The following MTHFD1L variants were observed in gnomAD, a reference collection of about 807,000 sequenced individuals.
MTHFD1L encodes methylenetetrahydrofolate dehydrogenase (NADP+ dependent) 1 like.
In MTHFD1L, 81 loss-of-function variants were observed where a neutral mutation model predicts 119.5. The observed-to-expected ratio is 0.68, with a 90% CI of 0.57 to 0.82. The LOEUF is 0.82. Ranked by LOEUF, MTHFD1L falls within the 40% of genes least tolerant of loss-of-function variation. The pLI is 0.00. For missense variants in MTHFD1L, 1,125 were observed against 1,253.4 expected, an observed-to-expected ratio of 0.90 and a Z score of 1.55; for synonymous variants, 430 against 475.2, an observed-to-expected ratio of 0.90 and a Z score of 1.24.
rs1452314211 is a variant in MTHFD1L at position 150,946,931 on chromosome 6, C to T, written c.1623+1390C>T. ...TCTACTAAAAATACAAAAAATTAGCCGGGCGTGGTGGCAGGCGCCTGTAGT... is the reference window on the plus strand; with the variant it reads ...TCTACTAAAAATACAAAAAATTAGCTGGGCGTGGTGGCAGGCGCCTGTAGT... On this transcript the variant is annotated intron_variant, in intron 15 of 27. Coordinates refer to ENST00000367321, the MANE Select transcript of MTHFD1L (RefSeq NM_015440.5). Among the ~76,000 whole-genome samples the T allele has an allele frequency of 3.3e-5, 5 of 151,274 alleles. No individual in the cohort carries two copies. The South Asian group carries it at 6.3e-4, about 19-fold the overall frequency.
intron 26 of MTHFD1L, among the ~76,000 whole-genome samples, chr6:151,043,173 T>TATG (rs926059926): frequency 6.6e-6 from 1 of 152,052 alleles, no homozygotes. Flanking sequence ...TTTTTCCCTG[T>TATG]TCATTTGTTC....
At position 150,926,319 on chromosome 6, in the gene MTHFD1L, T is replaced by A. The variant is rs368194641; in HGVS notation, c.1256+24T>A. ...GGGTAAGACACCATCTAACATCTAC[T>A]TGATCAAGCAGACATATTTACAAAA... is the stretch of plus-strand genomic sequence containing the variant. On this transcript the variant is annotated intron_variant, in intron 11 of 27. Coordinates refer to ENST00000367321, the MANE Select transcript of MTHFD1L (RefSeq NM_015440.5). The surrounding 1 kb of genome is among the most constrained non-coding windows in gnomAD (Gnocchi z 4.3). 5 of 1,592,460 alleles carry A rather than the reference T, an allele frequency of 3.1e-6. No homozygotes were observed. The African/African-American group carries it at 6.7e-5, about 21-fold the overall frequency.
At chr6:150,954,672 A>G (rs1396444135) in intron 16 of MTHFD1L, among the ~76,000 whole-genome samples, 3 of 148,468 alleles carry the variant, frequency 2.0e-5, no homozygotes, top group African/African-American at 7.4e-5. Context: ...CTGCATGACA[A>G]AAAAAAAAAG....
At chr6:151,021,817 A>C (rs1783986732) in intron 24 of MTHFD1L, among the ~76,000 whole-genome samples, 1 of 152,232 alleles carries the variant, frequency 6.6e-6, no homozygotes, top group African/African-American at 2.4e-5. Flanking sequence ...GATATCATAA[A>C]ACATCAGTCA....
intron 16 of MTHFD1L, 147 bp downstream of exon 16, chr6:150,949,280 A>G: frequency 1.5e-6 from 1 of 656,188 alleles, no homozygotes; most frequent in East Asian, 2.8e-5. Context: ...TATTTCAGTT[A>G]CTATTATCGT....
At chr6:151,021,652 T>C (rs1783958044) in intron 24 of MTHFD1L, among the ~76,000 whole-genome samples, 1 of 150,534 alleles carries the variant, frequency 6.6e-6, no homozygotes. Flanking sequence ...TCAAGAATTC[T>C]CCTGTAACTC....
chr6:150,915,664 A>C (rs1583531974), intron 8 of MTHFD1L, among the ~76,000 whole-genome samples: 1 of 152,092 alleles, frequency 6.6e-6, no homozygotes, highest in South Asian at 2.1e-4. Flanking sequence ...GCAGTGGCAC[A>C]ATCTTGGCTC....
intron 13 of MTHFD1L, among the ~76,000 whole-genome samples, chr6:150,943,172 T>G (rs1000279549): frequency 6.6e-6 from 1 of 152,048 alleles, no homozygotes; most frequent in Admixed American, 6.6e-5. Context: ...TCCCAGCTAC[T>G]TGGGAGGCAG....
intron 19 of MTHFD1L, among the ~76,000 whole-genome samples, chr6:150,969,230 C>T (rs1420433596): frequency 6.6e-6 from 1 of 152,210 alleles, no homozygotes; most frequent in African/African-American, 2.4e-5. Context: ...GATCCGTCTG[C>T]CTCTGCCTCT....
intron 26 of MTHFD1L, among the ~76,000 whole-genome samples, chr6:151,075,437 C>T (rs181031179): frequency 3.9e-4 from 59 of 151,972 alleles, no homozygotes; most frequent in Admixed American, 2.7e-3. Context: ...GTTTCACGAA[C>T]AGGACATAGC....
At chr6:151,094,824 G>A (rs1207727412) in intron 27 of MTHFD1L, among the ~76,000 whole-genome samples, 4 of 152,118 alleles carry the variant, frequency 2.6e-5, no homozygotes, top group African/African-American at 4.8e-5. Context: ...GATTACAGGC[G>A]GGAGCCACCA....
At chr6:150,897,198 A>C (rs1784376491) in intron 7 of MTHFD1L, among the ~76,000 whole-genome samples, 2 of 152,174 alleles carry the variant, frequency 1.3e-5, no homozygotes, top group South Asian at 4.1e-4. Flanking sequence ...TGAGAAATTA[A>C]GATTGAGAAG....
chr6:150,905,553 G>A, intron 7 of MTHFD1L, 97 bp from the exon 8 acceptor site: 1 of 843,560 alleles, frequency 1.2e-6, no homozygotes, highest in Non-Finnish European at 2.0e-6. Context: ...ACAAAGCTGT[G>A]GATCTGGGAT....
intron 24 of MTHFD1L, chr6:151,022,490 A>G (rs897654539): frequency 6.4e-6 from 1 of 156,170 alleles, no homozygotes; most frequent in African/African-American, 2.4e-5. Flanking sequence ...CATTGTACAT[A>G]CAGGGTTTAA....
intron 15 of MTHFD1L, 68 bp from the exon 16 acceptor site, chr6:150,948,963 T>A: frequency 7.8e-7 from 1 of 1,279,156 alleles, no homozygotes; most frequent in Non-Finnish European, 1.1e-6. Context: ...ATTAGAGGGA[T>A]AATTTTGGTG....
intron 24 of MTHFD1L, among the ~76,000 whole-genome samples, chr6:151,023,809 A>G (rs1452482110): frequency 6.6e-6 from 1 of 152,194 alleles, no homozygotes; most frequent in Non-Finnish European, 1.5e-5. Flanking sequence ...ATGATGAACT[A>G]TCAAAGTCAC....
chr6:150,866,470 G>C (rs1024604234), intron 1 of MTHFD1L: 6 of 1,319,766 alleles, frequency 4.5e-6, no homozygotes, highest in African/African-American at 1.5e-5. Context: ...TCGGCGCGCC[G>C]GCTGGCCCGG....
chr6:150,960,128 A>G, intron 17 of MTHFD1L, 147 bp from the exon 18 acceptor site: 1 of 1,130,852 alleles, frequency 8.8e-7, no homozygotes, highest in Non-Finnish European at 1.2e-6. Context: ...CCAGACACGC[A>G]GAAAACTGAT....
chr6:150,911,959 A>C (rs1009279560), intron 8 of MTHFD1L, among the ~76,000 whole-genome samples: 1 of 152,148 alleles, frequency 6.6e-6, no homozygotes, highest in African/African-American at 2.4e-5. Flanking sequence ...GAATTATGGG[A>C]GTACAATTCA....
Sources: allele counts gnomAD v4.1 joint callset (sites outside exome capture counted in the v4.1 genomes callset), GRCh38; gene constraint gnomAD v4.1.1; non-coding constraint Gnocchi (gnomAD v3.1); transcripts MANE v1.5; gene names NCBI Gene and HGNC (gene_info 2026-07-23, HGNC 2026-07-21).